CDH18: variants seen among roughly 807,000 people sequenced by gnomAD.
CDH18 encodes cadherin 18.
A neutral mutation model predicts 67.9 loss-of-function variants in CDH18; 31 were observed. The ratio of observed to expected loss-of-function variants is 0.46; its 90% CI spans 0.34 to 0.62. The LOEUF (loss-of-function observed/expected upper bound fraction) is 0.62. CDH18 is among the 20% of genes least tolerant of loss of function. The pLI, the probability that CDH18 is intolerant of heterozygous loss-of-function variation, is 0.01. For missense variants in CDH18, 890 were observed against 975.5 expected, an observed-to-expected ratio of 0.91 and a Z score of 1.17; for synonymous variants, 362 against 347.2, an observed-to-expected ratio of 1.04 and a Z score of -0.48.
At chr5:19,809,745 T>A (rs1778442868) in intron 3 of CDH18, among the ~76,000 whole-genome samples, 1 of 152,212 alleles carries the variant, frequency 6.6e-6, no homozygotes, top group East Asian at 1.9e-4. Flanking sequence ...TCCATATTTA[T>A]GAAACCATTT....
At chr5:19,850,126 T>C (rs574597033) in intron 2 of CDH18, among the ~76,000 whole-genome samples, 7 of 151,894 alleles carry the variant, frequency 4.6e-5, no homozygotes, top group South Asian at 2.1e-4. Context: ...AAGTCATAGA[T>C]AGAATTATAT....
intron 2 of CDH18, among the ~76,000 whole-genome samples, chr5:20,239,825 G>A (rs185063873): frequency 1.5e-4 from 23 of 151,946 alleles, no homozygotes; most frequent in African/African-American, 5.1e-4. Flanking sequence ...GTTTAATTAA[G>A]AGTCTCCTGG....
chr5:20,293,886 T>C (rs1181609906), intron 1 of CDH18, among the ~76,000 whole-genome samples: 1 of 152,080 alleles, frequency 6.6e-6, no homozygotes, highest in Non-Finnish European at 1.5e-5. Flanking sequence ...GAGGTGTAAA[T>C]AGGATAGAAG....
At position 19,545,663 on chromosome 5, in the gene CDH18, C is replaced by T. The variant is rs767998071; in HGVS notation, c.1254-1658G>A. Among the ~76,000 whole-genome samples the T allele has an allele frequency of 6.6e-5, 10 of 152,218 alleles. No individual in the cohort carries two copies. In the East Asian group the frequency reaches 1.4e-3, roughly 21 times the overall value. The stretch of plus-strand genomic sequence containing the variant: ...AATCACAGGTGACTCCATTTCCACA[C>T]GTGTTTGACCTACTATTTAATTGAT... On this transcript the variant is annotated intron_variant, in intron 8 of 12. Coordinates refer to ENST00000382275, the MANE Select transcript of CDH18 (RefSeq NM_004934.5).
chr5:20,418,320 C>A (rs1747522084), intron 1 of CDH18, among the ~76,000 whole-genome samples: 1 of 141,100 alleles, frequency 7.1e-6, no homozygotes, highest in Non-Finnish European at 1.5e-5. Context: ...GTCTCCAACT[C>A]CTGACTTCAG....
intron 11 of CDH18, among the ~76,000 whole-genome samples, chr5:19,489,250 C>CT (rs1237810466): frequency 0.076 from 9,679 of 127,954 alleles, 633 homozygotes; most frequent in African/African-American, 0.15. Flanking sequence ...TTTTTTTTTT[C>CT]TTTTTTTTTT....
chr5:19,752,787 T>G (rs538720139), intron 3 of CDH18, among the ~76,000 whole-genome samples: 6 of 152,296 alleles, frequency 3.9e-5, no homozygotes, highest in African/African-American at 1.4e-4. Flanking sequence ...TTCACCTTCC[T>G]GCCACCTCCA....
intron 2 of CDH18, among the ~76,000 whole-genome samples, chr5:20,212,820 G>A (rs937007213): frequency 2.5e-4 from 38 of 152,184 alleles, no homozygotes; most frequent in Non-Finnish European, 4.0e-4. Flanking sequence ...TCAGTGATGA[G>A]GACCTTGCTC....
chr5:19,743,155 C>T (rs1195158465), intron 4 of CDH18, among the ~76,000 whole-genome samples: 1 of 152,060 alleles, frequency 6.6e-6, no homozygotes, highest in Non-Finnish European at 1.5e-5. Context: ...AGAAGGGAAG[C>T]CTGGATAGTC....
chr5:19,819,183 T>A (rs1779598762), intron 3 of CDH18, among the ~76,000 whole-genome samples: 1 of 151,996 alleles, frequency 6.6e-6, no homozygotes, highest in South Asian at 2.1e-4. Flanking sequence ...TAATATATAT[T>A]GATTAATGTC....
chr5:19,705,152 G>A (rs187287473), intron 5 of CDH18, among the ~76,000 whole-genome samples: 54 of 152,200 alleles, frequency 3.5e-4, no homozygotes, highest in Middle Eastern at 3.4e-3. Flanking sequence ...ACCTTATTAC[G>A]TGGATGATAT....
At chr5:20,053,027 T>TA (rs1741570927) in intron 2 of CDH18, among the ~76,000 whole-genome samples, 1 of 658 alleles carries the variant, frequency 1.5e-3, no homozygotes, top group Admixed American at 0.083. Context: ...CCTCAGTTTA[T>TA]TTTTTTTTTA....
intron 10 of CDH18, among the ~76,000 whole-genome samples, chr5:19,505,840 G>A (rs1056748725): frequency 6.6e-6 from 1 of 152,148 alleles, no homozygotes; most frequent in Admixed American, 6.6e-5. Flanking sequence ...CATAAAATGA[G>A]TTAGGGAGGA....
intron 3 of CDH18, among the ~76,000 whole-genome samples, chr5:19,820,428 G>T (rs913934730): frequency 6.6e-6 from 1 of 152,104 alleles, no homozygotes; most frequent in Non-Finnish European, 1.5e-5. Flanking sequence ...GGCCATAGGT[G>T]CCACAACAGC....
intron 1 of CDH18, among the ~76,000 whole-genome samples, chr5:20,310,432 A>G (rs1384405552): frequency 2.0e-5 from 3 of 152,180 alleles, no homozygotes; most frequent in Non-Finnish European, 4.4e-5. Flanking sequence ...GGGGAAATAT[A>G]CCTAGAAACA....
intron 5 of CDH18, among the ~76,000 whole-genome samples, chr5:19,710,121 T>C (rs1016683899): frequency 3.3e-5 from 5 of 152,040 alleles, no homozygotes; most frequent in Non-Finnish European, 7.4e-5. Flanking sequence ...GGTGACAGAG[T>C]AAGACTCCGT....
intron 2 of CDH18, among the ~76,000 whole-genome samples, chr5:20,252,831 G>T (rs1164018241): frequency 6.6e-6 from 1 of 151,902 alleles, no homozygotes; most frequent in Non-Finnish European, 1.5e-5. Flanking sequence ...CAACTACTTG[G>T]GAGACTGAGG....
At chr5:20,231,554 G>A (rs866188843) in intron 2 of CDH18, among the ~76,000 whole-genome samples, 4 of 151,200 alleles carry the variant, frequency 2.6e-5, no homozygotes, top group Admixed American at 6.6e-5. Flanking sequence ...AGCCAAGATC[G>A]CACCATTGGC....
intron 2 of CDH18, among the ~76,000 whole-genome samples, chr5:20,193,511 G>A (rs1738710428): frequency 6.6e-6 from 1 of 152,206 alleles, no homozygotes; most frequent in East Asian, 1.9e-4. Flanking sequence ...GAAATACAAA[G>A]AGTAGCTGAT....
Sources: allele counts gnomAD v4.1 joint callset (sites outside exome capture counted in the v4.1 genomes callset), GRCh38; gene constraint gnomAD v4.1.1; transcripts MANE v1.5; gene names NCBI Gene and HGNC (gene_info 2026-07-23, HGNC 2026-07-21).